D2HGDH: variants seen among roughly 807,000 people sequenced by gnomAD.
D2HGDH encodes D-2-hydroxyglutarate dehydrogenase, mitochondrial.
In D2HGDH, 31 loss-of-function variants were observed where a neutral mutation model predicts 46.9. The ratio of observed to expected loss-of-function variants is 0.66; its 90% CI spans 0.50 to 0.89. D2HGDH has a LOEUF of 0.89. D2HGDH is among the 40% of genes least tolerant of loss of function. The pLI is 0.00. For missense variants in D2HGDH, 698 were observed against 720.8 expected (o/e 0.97, Z 0.36); for synonymous variants, 364 against 332.6 (o/e 1.09, Z -1.03).
chr2:241,738,081 A>G (rs1693428012), intron 2 of D2HGDH, among the ~76,000 whole-genome samples: 1 of 152,198 alleles, frequency 6.6e-6, no homozygotes, highest in South Asian at 2.1e-4. Context: ...TTCCCTGCAG[A>G]AAGGCTGGGA....
At chr2:241,757,800 A>C (rs1698329670) in intron 9 of D2HGDH, among the ~76,000 whole-genome samples, 1 of 152,180 alleles carries the variant, frequency 6.6e-6, no homozygotes, top group South Asian at 2.1e-4. Context: ...TCTACTAAAA[A>C]TACAAAAAAT....
Position 241,756,024 on chromosome 2 carries a change from G to A in D2HGDH, c.1306+10G>A, listed in dbSNP as rs375156639. 6.8e-5 allele frequency: 109 copies of A among 1,592,178 alleles called. 1 individual carries two copies. The highest frequency in any genetic ancestry group is 3.3e-4 in the Middle Eastern group (2 of 5,978). On this transcript the variant is annotated intron_variant, in intron 9 of 9. Coordinates refer to ENST00000321264, the MANE Select transcript of D2HGDH (RefSeq NM_152783.5). ...GGCTATGGCCACCTTGGTGAGCGGC[G>A]CCCCGGGGCCGCGGCCCTGTGTGTG...
chr2:241,754,254 C>T (rs933017548), intron 8 of D2HGDH, among the ~76,000 whole-genome samples: 4 of 152,200 alleles, frequency 2.6e-5, no homozygotes, highest in African/African-American at 9.6e-5. Flanking sequence ...GCCTCGCAGC[C>T]GTGCCCGTGC....
intron 2 of D2HGDH, among the ~76,000 whole-genome samples, chr2:241,737,533 A>G (rs1478476890): frequency 6.6e-6 from 1 of 152,084 alleles, no homozygotes; most frequent in African/African-American, 2.4e-5. Context: ...CCTGTCACTC[A>G]GGGTGGAGTG....
intron 9 of D2HGDH, among the ~76,000 whole-genome samples, chr2:241,765,048 C>T (rs950265161): frequency 4.6e-5 from 7 of 152,338 alleles, no homozygotes; most frequent in Admixed American, 3.9e-4. Context: ...GGAGCCAGGA[C>T]TTTGTCTGCA....
chr2:241,762,646 G>C (rs1298301425), intron 9 of D2HGDH, among the ~76,000 whole-genome samples: 1 of 152,164 alleles, frequency 6.6e-6, no homozygotes, highest in Non-Finnish European at 1.5e-5. Context: ...GCTGCTGCCA[G>C]GGTCCCGCCT....
chr2:241,763,669 T>C (rs1699029022), intron 9 of D2HGDH, among the ~76,000 whole-genome samples: 1 of 152,208 alleles, frequency 6.6e-6, no homozygotes, highest in South Asian at 2.1e-4. Context: ...TTTAATGTTA[T>C]GGGGCCAGCA....
At chr2:241,749,650 G>A in intron 6 of D2HGDH, 1 of 323,806 alleles carries the variant, frequency 3.1e-6, no homozygotes, top group South Asian at 2.5e-5. Flanking sequence ...CTGGCTCTGT[G>A]TTTGCAGAAT....
At position 241,750,227 on chromosome 2, in the gene D2HGDH, C is replaced by T. The variant is rs771622834; in HGVS notation, c.930C>T (p.Phe310=). ...KGMLGEILSA[F]EFMDAVCMQL... Reference sequence around the variant, plus strand: ...TGCTGGGTGAGATCCTGTCTGCATTCGAGTTCATGGATGCTGTGTGCATGC... The same window carrying T: ...TGCTGGGTGAGATCCTGTCTGCATTTGAGTTCATGGATGCTGTGTGCATGC... Residue 310 remains phenylalanine, a synonymous_variant, in exon 7 of 10, where the codon TTC becomes TTT. Transcript: ENST00000321264. The T allele has an allele frequency of 4.3e-6, 7 of 1,614,058 alleles. No individual in the cohort carries two copies. The highest frequency in any genetic ancestry group is 3.4e-6 in the Non-Finnish European group (4 of 1,180,028).
chr2:241,738,085 G>T (rs1355594057), intron 2 of D2HGDH, among the ~76,000 whole-genome samples: 1 of 152,208 alleles, frequency 6.6e-6, no homozygotes, highest in East Asian at 1.9e-4. Context: ...CTGCAGAAAG[G>T]CTGGGAGTCA....
intron 9 of D2HGDH, among the ~76,000 whole-genome samples, chr2:241,757,200 C>G (rs1479880491): frequency 6.6e-6 from 1 of 152,226 alleles, no homozygotes; most frequent in African/African-American, 2.4e-5. Context: ...CACATGTAAA[C>G]AGGTTCAGAG....
At chr2:241,755,323 C>G (rs1575311828) in intron 8 of D2HGDH, 3 of 1,303,772 alleles carry the variant, frequency 2.3e-6, no homozygotes, top group African/African-American at 1.5e-5. Flanking sequence ...CTTGAGCTGC[C>G]TGGGCCCTGC....
intron 1 of D2HGDH, 69 bp downstream of exon 1, chr2:241,734,764 G>C (rs1692243685): frequency 6.4e-6 from 1 of 157,106 alleles, no homozygotes; most frequent in African/African-American, 2.4e-5. Context: ...GCGGGTCGGG[G>C]TGGCGGGGCG....
At chr2:241,749,447 T>C (rs932428068) in intron 6 of D2HGDH, 3 of 1,131,666 alleles carry the variant, frequency 2.7e-6, no homozygotes, top group African/African-American at 1.6e-5. Flanking sequence ...GCTGCCCGCC[T>C]GCAGACATCT....
chr2:241,767,604 G>C (rs1230935060), intron 9 of D2HGDH, 106 bp from the exon 10 acceptor site: 1 of 1,521,578 alleles, frequency 6.6e-7, no homozygotes, highest in Non-Finnish European at 9.0e-7. Flanking sequence ...TCAGCCGGGG[G>C]TCTCGGGGTT....
chr2:241,749,793 A>T, intron 6 of D2HGDH: 2 of 360,136 alleles, frequency 5.6e-6, no homozygotes, highest in South Asian at 4.3e-5. Flanking sequence ...GATGCTGGTG[A>T]CACCAGGCGT....
chr2:241,750,520 T>G (rs1280121918), intron 7 of D2HGDH, among the ~76,000 whole-genome samples: 1 of 152,224 alleles, frequency 6.6e-6, no homozygotes, highest in East Asian at 1.9e-4. Flanking sequence ...AGGTTTGTAG[T>G]TACACAGATT....
intron 6 of D2HGDH, 27 bp from the exon 7 acceptor site, chr2:241,750,124 T>G (rs1308865374): frequency 6.2e-7 from 1 of 1,613,706 alleles, no homozygotes; most frequent in Admixed American, 1.7e-5. Flanking sequence ...CTCCGTGTGG[T>G]GCTTGACATG....
intron 2 of D2HGDH, among the ~76,000 whole-genome samples, chr2:241,740,674 T>C (rs1287679373): frequency 3.9e-5 from 6 of 152,162 alleles, no homozygotes; most frequent in Admixed American, 2.0e-4. Flanking sequence ...GGGCTGGGCA[T>C]GGTGGCTCAT....
Sources: gnomAD v4.1 joint callset for allele counts (sites outside exome capture counted in the v4.1 genomes callset) on GRCh38, gnomAD v4.1.1 for gene constraint, MANE v1.5 for transcripts, NCBI Gene and HGNC (gene_info 2026-07-23, HGNC 2026-07-21) for gene names.